Variants in SHISA9 observed in about 807,000 individuals in gnomAD.
SHISA9 encodes protein shisa-9.
A neutral mutation model predicts 38.0 loss-of-function variants in SHISA9; 13 were observed. The ratio of observed to expected loss-of-function variants is 0.34; its 90% CI spans 0.22 to 0.54. The LOEUF is 0.54. Among genes scored for constraint, SHISA9 ranks in the 20% least tolerant of loss-of-function variants. SHISA9 has a pLI of 0.91. For missense variants in SHISA9, 538 were observed against 575.8 expected (o/e 0.93, Z 0.67); for synonymous variants, 275 against 242.0 (o/e 1.14, Z -1.27).
At chr16:13,066,653 T>G (rs1222815422) in intron 2 of SHISA9, among the ~76,000 whole-genome samples, 1 of 152,228 alleles carries the variant, frequency 6.6e-6, no homozygotes, top group African/African-American at 2.4e-5. Flanking sequence ...GCCTGCCTCA[T>G]AAGGGTGTTT....
chr16:13,219,597 G>A (rs1052701724), intron 4 of SHISA9, among the ~76,000 whole-genome samples: 5 of 152,112 alleles, frequency 3.3e-5, no homozygotes, highest in Non-Finnish European at 7.4e-5. Context: ...CTTGTCATGT[G>A]CCCACCTCTG....
At chr16:13,070,161 T>C (rs544912649) in intron 2 of SHISA9, among the ~76,000 whole-genome samples, 1 of 148,622 alleles carries the variant, frequency 6.7e-6, no homozygotes, top group South Asian at 2.1e-4. Context: ...TGTGCACGCA[T>C]GTGTCTGTGG....
chr16:13,280,804 A>G, the SHISA9 span, among the ~76,000 whole-genome samples: 2 of 151,758 alleles, frequency 1.3e-5, no homozygotes, highest in Non-Finnish European at 3.0e-5. Context: ...TAAAGCTCTT[A>G]GAAGAAACCA....
intron 2 of SHISA9, among the ~76,000 whole-genome samples, chr16:13,074,764 G>C (rs763284948): frequency 6.7e-6 from 1 of 149,944 alleles, no homozygotes; most frequent in Non-Finnish European, 1.5e-5. Flanking sequence ...TCCCAGGTTC[G>C]ATAGATTCTC....
chr16:13,532,939 C>G, the SHISA9 span, among the ~76,000 whole-genome samples: 1 of 152,088 alleles, frequency 6.6e-6, no homozygotes, highest in Non-Finnish European at 1.5e-5. Context: ...GTCTTTTGCC[C>G]CCTACCTCCA....
chr16:13,407,677 A>G, the SHISA9 span, among the ~76,000 whole-genome samples: 1 of 152,198 alleles, frequency 6.6e-6, no homozygotes, highest in African/African-American at 2.4e-5. Flanking sequence ...CATTGATCAT[A>G]ATAATCCTCT....
intron 2 of SHISA9, among the ~76,000 whole-genome samples, chr16:13,008,583 G>C (rs915822300): frequency 1.3e-5 from 2 of 149,212 alleles, no homozygotes; most frequent in Non-Finnish European, 3.0e-5. Context: ...GTTTGATAAG[G>C]GTCCGGTGCT....
chr16:13,019,772 CTTTCTTTCTT>C (rs1484234780), intron 2 of SHISA9, among the ~76,000 whole-genome samples: 31 of 59,284 alleles, frequency 5.2e-4, no homozygotes, highest in Middle Eastern at 8.1e-3. Flanking sequence ...TCTTTTCTTT[CTTTCTTTCTT>C]TCTTTCTTTC....
rs2142090001 is a variant in SHISA9 at position 13,235,499 on chromosome 16, T to A, written c.*90T>A. 1 of 1,387,758 alleles carries A rather than the reference T, an allele frequency of 7.2e-7. No individual in the cohort carries two copies. Among genetic ancestry groups the A allele is most frequent in the African/African-American group, 1.5e-5 (1 of 68,828 alleles). 86.0% of individuals were successfully genotyped at this position (1,387,758 alleles called of 1,614,324 possible). ...CCACACCCTCCCCATCCTCCCCTAATACATGCGTCCACACACTCACTCTCA... is the reference window on the plus strand; with the variant it reads ...CCACACCCTCCCCATCCTCCCCTAAAACATGCGTCCACACACTCACTCTCA... On this transcript the variant is annotated 3_prime_UTR_variant, in exon 5 of 5. Transcript: ENST00000558583.
At chr16:13,364,191 T>C in the SHISA9 span, among the ~76,000 whole-genome samples, 1 of 152,264 alleles carries the variant, frequency 6.6e-6, no homozygotes, top group African/African-American at 2.4e-5. Context: ...CTCTGCCTTT[T>C]GGAACTAGCC....
chr16:13,206,234 C>T (rs2051062575), intron 3 of SHISA9, among the ~76,000 whole-genome samples: 1 of 152,092 alleles, frequency 6.6e-6, no homozygotes, highest in Non-Finnish European at 1.5e-5. Context: ...ATTTATTTAT[C>T]TATTCTCACA....
intron 2 of SHISA9, among the ~76,000 whole-genome samples, chr16:13,168,459 A>G (rs971011742): frequency 3.9e-5 from 6 of 152,154 alleles, no homozygotes; most frequent in African/African-American, 1.4e-4. Context: ...CCCTTACTCC[A>G]TTGGCCAACA....
At chr16:13,140,138 T>TCCCTCCCCTCCCCTC (rs1201875970) in intron 2 of SHISA9, among the ~76,000 whole-genome samples, 1 of 10,352 alleles carries the variant, frequency 9.7e-5, no homozygotes, top group African/African-American at 3.8e-4. Context: ...TCCCTTCCCT[T>TCCCTCCCCTCCCCTC]CCCTCCCCTC....
chr16:13,411,394 A>G, the SHISA9 span, among the ~76,000 whole-genome samples: 7 of 152,208 alleles, frequency 4.6e-5, no homozygotes, highest in Admixed American at 6.5e-5. Flanking sequence ...TCTCTTCAAC[A>G]GTTGTAGCAA....
At chr16:13,254,573 C>G in the SHISA9 span, among the ~76,000 whole-genome samples, 1 of 152,232 alleles carries the variant, frequency 6.6e-6, no homozygotes. Context: ...CTTGTTATTT[C>G]TGGACTTTTC....
In SHISA9 at chr16:13,203,464, C is replaced by A; in HGVS notation, c.762C>A (p.Tyr254Ter). The A allele has an allele frequency of 6.4e-7, 1 of 1,551,404 alleles. No homozygotes were observed. Among genetic ancestry groups the A allele is most frequent in the Non-Finnish European group, 8.7e-7 (1 of 1,146,734 alleles). ...LLQQMGHPHS[Y>*]PNLGQISNPY... ...AGCAGATGGGCCATCCACATTCGTA[C>A]CCGAACCTGGGCCAGATCTCCAACC... Residue 254 changes from tyrosine (Y) to a stop codon, truncating the protein, a stop_gained, in exon 3 of 5, where the codon TAC becomes TAA. Coordinates refer to ENST00000558583, the MANE Select transcript of SHISA9 (RefSeq NM_001145204.3). LOFTEE classifies it high-confidence loss of function.
In SHISA9 at chr16:12,974,479, GTTTTTTTTTTT is replaced by G. The variant is rs58309847; in HGVS notation, c.691+57681_691+57691del. Among the ~76,000 whole-genome samples, 9 of 91,788 alleles carry G rather than the reference GTTTTTTTTTTT, an allele frequency of 9.8e-5. 1 individual carries two copies. In the East Asian group the frequency reaches 1.7e-3, roughly 17 times the overall value. 60.2% of individuals were successfully genotyped at this position (91,788 alleles called of 152,430 possible). A position where few individuals can be genotyped will look rare whatever the true frequency, so the allele number is the denominator to read the frequency against. The stretch of plus-strand genomic sequence containing the variant: ...CATGGCTAGCAAGTGATTTCTGGTG[GTTTTTTTTTTT>G]TTTTTTTTTTTTTTTTCCGGAGTTT... On this transcript the variant is annotated intron_variant, in intron 2 of 4. Coordinates refer to ENST00000558583, the MANE Select transcript of SHISA9 (RefSeq NM_001145204.3).
intron 2 of SHISA9, among the ~76,000 whole-genome samples, chr16:13,013,876 C>A (rs145327337): frequency 6.6e-6 from 1 of 152,062 alleles, no homozygotes; most frequent in Middle Eastern, 3.2e-3. Context: ...TACAGGTGCC[C>A]GCCACCAGGC....
chr16:13,555,683 G>A, the SHISA9 span, among the ~76,000 whole-genome samples: 4 of 151,980 alleles, frequency 2.6e-5, no homozygotes, highest in African/African-American at 9.7e-5. Flanking sequence ...TCATAGTGGA[G>A]CATACAGCGA....
Sources: gnomAD v4.1 joint callset for allele counts (sites outside exome capture counted in the v4.1 genomes callset) on GRCh38, gnomAD v4.1.1 for gene constraint, MANE v1.5 for transcripts, NCBI Gene and HGNC (gene_info 2026-07-23, HGNC 2026-07-21) for gene names.